Variants in ELOVL5 observed in about 807,000 individuals in gnomAD.
ELOVL5 encodes very long chain fatty acid elongase 5.
Under a neutral mutation model 38.6 loss-of-function variants are expected in ELOVL5, and 8 were observed. The observed-to-expected ratio is 0.21, with a 90% CI of 0.12 to 0.37. The LOEUF (loss-of-function observed/expected upper bound fraction) is 0.37, where lower values mean the gene tolerates loss of function less well. Ranked by LOEUF, ELOVL5 falls within the 10% of genes least tolerant of loss-of-function variation. The pLI is 1.00. For synonymous variants in ELOVL5, 127 were observed against 133.7 expected (o/e 0.95, Z 0.34); for missense variants, 280 against 367.8 (o/e 0.76, Z 1.95).
At chr6:53,280,425 C>T (rs963093124) in intron 3 of ELOVL5, among the ~76,000 whole-genome samples, 4 of 152,218 alleles carry the variant, frequency 2.6e-5, no homozygotes, top group African/African-American at 9.6e-5. Flanking sequence ...GTAAAGCAAA[C>T]TTTAATTAGG....
At chr6:53,346,218 A>G (rs1769534975) in intron 1 of ELOVL5, among the ~76,000 whole-genome samples, 2 of 152,176 alleles carry the variant, frequency 1.3e-5, no homozygotes, top group Non-Finnish European at 2.9e-5. Flanking sequence ...AGCTTCATCC[A>G]TGTCCCTGCA....
rs1765803478 is a variant in ELOVL5 at position 53,268,166 on chromosome 6, T to A, written c.*961A>T. On this transcript the variant is annotated 3_prime_UTR_variant, in exon 8 of 8. Coordinates refer to ENST00000304434, the MANE Select transcript of ELOVL5 (RefSeq NM_021814.5). ...AAACAGATAACAGTGCATAAATCAA[T>A]CCAAATTTAGACCCTGGCAACCAGT... The A allele has an allele frequency of 6.6e-6, 1 of 152,070 alleles. No homozygotes were observed. The highest frequency in any genetic ancestry group is 1.5e-5 in the Non-Finnish European group (1 of 67,996). The allele number at this position is 152,070 out of a possible 1,614,324, so 9.4% of individuals were successfully genotyped here.
chr6:53,348,396 T>TC (rs1769670035), intron 1 of ELOVL5, among the ~76,000 whole-genome samples: 1 of 146,854 alleles, frequency 6.8e-6, no homozygotes. Flanking sequence ...CCGAGAGCGC[T>TC]CCCCCGGCTC....
At chr6:53,308,865 T>C (rs1250230205) in intron 1 of ELOVL5, among the ~76,000 whole-genome samples, 2 of 90,290 alleles carry the variant, frequency 2.2e-5, no homozygotes, top group African/African-American at 4.5e-5. Flanking sequence ...TTCCACCAGC[T>C]GGGGGGAGGG....
intron 1 of ELOVL5, among the ~76,000 whole-genome samples, chr6:53,314,615 C>T (rs1767960819): frequency 1.3e-5 from 2 of 152,158 alleles, no homozygotes; most frequent in Admixed American, 6.5e-5. Flanking sequence ...CCTTTCCCTT[C>T]AGCTCAGAAA....
At chr6:53,322,379 G>A (rs1453460765) in intron 1 of ELOVL5, among the ~76,000 whole-genome samples, 2 of 152,170 alleles carry the variant, frequency 1.3e-5, no homozygotes, top group Non-Finnish European at 2.9e-5. Context: ...ATCAGTAGCT[G>A]AGTCAGCCAA....
intron 1 of ELOVL5, among the ~76,000 whole-genome samples, chr6:53,336,359 A>T (rs1008331695): frequency 2.0e-5 from 3 of 152,150 alleles, no homozygotes; most frequent in African/African-American, 7.2e-5. Flanking sequence ...AACCAAAACA[A>T]GGTTAAATAA....
chr6:53,331,771 C>A (rs1247640967), intron 1 of ELOVL5, among the ~76,000 whole-genome samples: 2 of 152,194 alleles, frequency 1.3e-5, no homozygotes, highest in African/African-American at 4.8e-5. Flanking sequence ...ATAAATCTTA[C>A]ACTAAATATA....
At chr6:53,334,399 A>T (rs1209269370) in intron 1 of ELOVL5, among the ~76,000 whole-genome samples, 2 of 152,156 alleles carry the variant, frequency 1.3e-5, no homozygotes, top group Non-Finnish European at 2.9e-5. Flanking sequence ...TATAACTTTT[A>T]TCTTTACTTA....
intron 1 of ELOVL5, among the ~76,000 whole-genome samples, chr6:53,312,711 T>A (rs1380750281): frequency 6.6e-6 from 1 of 152,174 alleles, no homozygotes; most frequent in Non-Finnish European, 1.5e-5. Flanking sequence ...TGCATATGAA[T>A]CTACAATTCT....
At chr6:53,271,275 G>A (rs970857764) in intron 6 of ELOVL5, among the ~76,000 whole-genome samples, 2 of 151,964 alleles carry the variant, frequency 1.3e-5, no homozygotes, top group Non-Finnish European at 2.9e-5. Flanking sequence ...GCTCAGGCCG[G>A]GCGTGGTGGC....
At chr6:53,283,839 ATTAT>A (rs1470117051) in intron 3 of ELOVL5, among the ~76,000 whole-genome samples, 3 of 152,238 alleles carry the variant, frequency 2.0e-5, no homozygotes, top group Non-Finnish European at 4.4e-5. Flanking sequence ...TTGATAAAAT[ATTAT>A]TCAAGTGTAA....
intron 1 of ELOVL5, among the ~76,000 whole-genome samples, chr6:53,323,313 T>G (rs1003612091): frequency 6.6e-6 from 1 of 152,224 alleles, no homozygotes. Flanking sequence ...AGAATGTCAG[T>G]GAGTCAATGG....
Position 53,269,021 on chromosome 6 carries a change from ATT to A in ELOVL5, c.*104_*105del, listed in dbSNP as rs1182689954. On this transcript the variant is annotated 3_prime_UTR_variant, in exon 8 of 8. Coordinates refer to ENST00000304434, the MANE Select transcript of ELOVL5 (RefSeq NM_021814.5). ...AAAGAAGTCCTACATGAATCACACT[ATT>A]GTAGGCCAGACTAGTTACAGCAGCT... 1 of 1,321,422 alleles carries A rather than the reference ATT, an allele frequency of 7.6e-7. No homozygotes were observed. Among genetic ancestry groups the A allele is most frequent in the Non-Finnish European group, 1.1e-6 (1 of 949,512 alleles). 81.9% of individuals were successfully genotyped at this position (1,321,422 alleles called of 1,614,324 possible).
chr6:53,345,386 T>C (rs1769495063), intron 1 of ELOVL5, among the ~76,000 whole-genome samples: 1 of 152,192 alleles, frequency 6.6e-6, no homozygotes, highest in South Asian at 2.1e-4. Flanking sequence ...GCTAGGCCCT[T>C]AACATGGATA....
chr6:53,270,768 A>G (rs1313563794), intron 6 of ELOVL5, 41 bp from the exon 7 acceptor site: 1 of 1,610,018 alleles, frequency 6.2e-7, no homozygotes, highest in Non-Finnish European at 8.5e-7. Context: ...GGGACAGTGC[A>G]TGGACGAGGC....
chr6:53,295,820 G>GAA (rs1766974002), intron 1 of ELOVL5, 113 bp from the exon 2 acceptor site: 4 of 635,978 alleles, frequency 6.3e-6, no homozygotes, highest in Non-Finnish European at 1.0e-5. Context: ...ACAAGGTTAA[G>GAA]TTCAGTTCCT....
At chr6:53,319,823 C>T (rs2127586681) in intron 1 of ELOVL5, among the ~76,000 whole-genome samples, 1 of 152,280 alleles carries the variant, frequency 6.6e-6, no homozygotes, top group East Asian at 1.9e-4. Flanking sequence ...TTACTCAAAC[C>T]CTGCTCTCCT....
At chr6:53,316,001 C>A (rs1417882517) in intron 1 of ELOVL5, among the ~76,000 whole-genome samples, 2 of 152,172 alleles carry the variant, frequency 1.3e-5, no homozygotes, top group Admixed American at 1.3e-4. Context: ...ACTATATAGA[C>A]CTCAGTTTCC....
Sources: gnomAD v4.1 joint callset for allele counts (sites outside exome capture counted in the v4.1 genomes callset) on GRCh38, gnomAD v4.1.1 for gene constraint, MANE v1.5 for transcripts, NCBI Gene and HGNC (gene_info 2026-07-23, HGNC 2026-07-21) for gene names.